Variants in PTPN2 observed in about 807,000 individuals in gnomAD.
PTPN2 encodes the protein protein tyrosine phosphatase non-receptor type 2, also known as tyrosine-protein phosphatase non-receptor type 2.
In PTPN2, 19 loss-of-function variants were observed where a neutral mutation model predicts 57.3. That is an observed-to-expected ratio of 0.33 (90% CI 0.23 to 0.49). The LOEUF is 0.49. Among genes scored for constraint, PTPN2 ranks in the 20% least tolerant of loss-of-function variants. The probability of loss-of-function intolerance (pLI) is 0.99; values close to 1 mark genes in which losing one functional copy is unlikely to be tolerated. For missense variants in PTPN2, 358 were observed against 501.1 expected, an observed-to-expected ratio of 0.71 and a Z score of 2.73; for synonymous variants, 153 against 164.9, an observed-to-expected ratio of 0.93 and a Z score of 0.55.
At chr18:12,862,526 A>T (rs1179288157) in intron 1 of PTPN2, 3 of 152,252 alleles carry the variant, frequency 2.0e-5, no homozygotes, top group Non-Finnish European at 4.4e-5. Flanking sequence ...CCCAGCTGAA[A>T]ACTATTTGTC....
rs903505049 is a variant in PTPN2, at chr18:12,850,958, T to G, written c.160+8206A>C. Among the ~76,000 whole-genome samples the G allele has an allele frequency of 5.3e-5, 8 of 152,126 alleles. 1 individual carries two copies. The highest frequency in any genetic ancestry group is 1.7e-4 in the African/African-American group (7 of 41,438). On this transcript the variant is annotated intron_variant, in intron 2 of 8. Transcript: ENST00000309660. Reference sequence around the variant, plus strand: ...TTTCTCCATGTTGGTCAGGCTGGTCTCAAACTCCCGACCTCAGGTGATCCA... The same window carrying G: ...TTTCTCCATGTTGGTCAGGCTGGTCGCAAACTCCCGACCTCAGGTGATCCA...
chr18:12,848,462 T>A (rs762075332), intron 2 of PTPN2, among the ~76,000 whole-genome samples: 16 of 152,234 alleles, frequency 1.1e-4, no homozygotes, highest in Non-Finnish European at 2.2e-4. Flanking sequence ...TCAAACGGAA[T>A]GTTGTGGAAG....
At chr18:12,882,899 A>C (rs2044708072) in intron 1 of PTPN2, among the ~76,000 whole-genome samples, 1 of 152,248 alleles carries the variant, frequency 6.6e-6, no homozygotes, top group South Asian at 2.1e-4. Flanking sequence ...AAGCAGCATT[A>C]ACTTAACCGT....
At chr18:12,786,227 A>T in intron 9 of PTPN2, 1 of 211,050 alleles carries the variant, frequency 4.7e-6, no homozygotes, top group South Asian at 9.0e-5. Context: ...ACTATGTGCT[A>T]GACTTACCAA....
At chr18:12,797,757 C>T (rs193261022) in intron 8 of PTPN2, among the ~76,000 whole-genome samples, 121 of 152,256 alleles carry the variant, frequency 7.9e-4, no homozygotes, top group Admixed American at 7.9e-3. Context: ...AATGGGAATG[C>T]CTCCTGTGGA....
intron 7 of PTPN2, among the ~76,000 whole-genome samples, chr18:12,803,613 G>A (rs2041509161): frequency 6.6e-6 from 1 of 152,168 alleles, no homozygotes; most frequent in Non-Finnish European, 1.5e-5. Flanking sequence ...TGATAAAATA[G>A]ACTTTAGGTC....
At chr18:12,841,039 G>T in intron 2 of PTPN2, 1 of 1,325,140 alleles carries the variant, frequency 7.5e-7, no homozygotes, top group Non-Finnish European at 9.9e-7. Context: ...GACATTATTT[G>T]TTTGAAGCTT....
At chr18:12,869,283 C>T (rs949812282) in intron 1 of PTPN2, among the ~76,000 whole-genome samples, 98 of 152,244 alleles carry the variant, frequency 6.4e-4, no homozygotes, top group African/African-American at 2.3e-3. Context: ...CTCAAGTGAT[C>T]CCCCCACCTC....
chr18:12,816,360 G>A (rs1235003224), intron 6 of PTPN2, among the ~76,000 whole-genome samples: 3 of 152,158 alleles, frequency 2.0e-5, no homozygotes, highest in Non-Finnish European at 4.4e-5. Flanking sequence ...AACTGCTTAG[G>A]TTATTGATAA....
intron 5 of PTPN2, among the ~76,000 whole-genome samples, 193 bp from the exon 6 acceptor site, chr18:12,817,558 TTAA>T (rs766630031): frequency 7.2e-5 from 11 of 152,246 alleles, no homozygotes; most frequent in Non-Finnish European, 1.6e-4. Flanking sequence ...TTGTGATGTA[TTAA>T]TAATAGCTAA....
intron 6 of PTPN2, 113 bp downstream of exon 6, chr18:12,817,043 A>G: frequency 9.8e-7 from 1 of 1,021,982 alleles, no homozygotes; most frequent in Non-Finnish European, 1.5e-6. Context: ...GTAGAAGTTT[A>G]AGTTGAAAAA....
At chr18:12,790,642 T>C (rs904051778), downstream of PTPN2, among the ~76,000 whole-genome samples, 1 of 152,224 alleles carries the variant, frequency 6.6e-6, no homozygotes, top group African/African-American at 2.4e-5. Context: ...CAATAAATGG[T>C]GCTTTGAACT....
In PTPN2 at chr18:12,812,677, C is replaced by T. The variant is rs1281058412; in HGVS notation, c.858+1526G>A. ...CTTTATCAGTAATCACTTCATATGC[C>T]GATGGTCTAAATGCACCAATTAAAA... On this transcript the variant is annotated intron_variant, in intron 7 of 8. Transcript: ENST00000309660. 3.3e-5 allele frequency among the ~76,000 whole-genome samples: 5 copies of T among 152,178 alleles called. No individual in the cohort carries two copies. The South Asian group carries it at 6.2e-4, about 19-fold the overall frequency.
chr18:12,814,953 G>A (rs1568102968), intron 6 of PTPN2, among the ~76,000 whole-genome samples: 4 of 151,912 alleles, frequency 2.6e-5, no homozygotes, highest in South Asian at 2.1e-4. Context: ...GTGTGGCGGC[G>A]CATGTCTGTA....
At chr18:12,846,946 T>C (rs1402998975) in intron 2 of PTPN2, among the ~76,000 whole-genome samples, 1 of 151,962 alleles carries the variant, frequency 6.6e-6, no homozygotes, top group East Asian at 1.9e-4. Context: ...AAGTGCTTTA[T>C]AGATTTAATT....
At chr18:12,807,383 A>G (rs1023587165) in intron 7 of PTPN2, among the ~76,000 whole-genome samples, 1 of 151,636 alleles carries the variant, frequency 6.6e-6, no homozygotes, top group East Asian at 1.9e-4. Context: ...GTTCCTTAAA[A>G]GATTAAAAAT....
downstream of PTPN2, among the ~76,000 whole-genome samples, chr18:12,790,585 G>A (rs1243743127): frequency 6.6e-6 from 1 of 152,058 alleles, no homozygotes; most frequent in African/African-American, 2.4e-5. Flanking sequence ...GATTAAGTAG[G>A]GTAATACGTA....
chr18:12,815,080 T>C (rs1392333325), intron 6 of PTPN2, among the ~76,000 whole-genome samples: 1 of 133,460 alleles, frequency 7.5e-6, no homozygotes. Context: ...CGAGACTCCA[T>C]CTCAAAAATA....
downstream of PTPN2, chr18:12,787,462 T>C (rs947145009): frequency 2.0e-5 from 3 of 152,348 alleles, no homozygotes; most frequent in East Asian, 5.8e-4. Flanking sequence ...ATTTAGATTA[T>C]GTATTTAAGC....
Sources: gnomAD v4.1 joint callset for allele counts (sites outside exome capture counted in the v4.1 genomes callset) on GRCh38, gnomAD v4.1.1 for gene constraint, MANE v1.5 for transcripts, NCBI Gene and HGNC (gene_info 2026-07-23, HGNC 2026-07-21) for gene names.